The following CERS6 variants were observed in gnomAD, a reference collection of about 807,000 sequenced individuals.
CERS6 encodes ceramide synthase 6.
A neutral mutation model predicts 56.8 loss-of-function variants in CERS6; 26 were observed. That is an observed-to-expected ratio of 0.46 (90% CI 0.34 to 0.63). The LOEUF is 0.63. Among genes scored for constraint, CERS6 ranks in the 30% least tolerant of loss-of-function variants. The pLI is 0.01. For missense variants in CERS6, 415 were observed against 467.5 expected (o/e 0.89, Z 1.04); for synonymous variants, 164 against 173.3 (o/e 0.95, Z 0.42).
Position 168,463,640 on chromosome 2 carries a change from G to A in CERS6, c.170+7022G>A, listed in dbSNP as rs189771893. ...AAAAATCTGGAGGCTGAGCACAGTGGCTCATGCCTGTAATCCCAGCACTTT... is the reference window on the plus strand; with the variant it reads ...AAAAATCTGGAGGCTGAGCACAGTGACTCATGCCTGTAATCCCAGCACTTT... On this transcript the variant is annotated intron_variant, in intron 1 of 9. Transcript: ENST00000305747. Among the ~76,000 whole-genome samples, 11 of 152,266 alleles carry A rather than the reference G, an allele frequency of 7.2e-5. No homozygotes were observed. In the East Asian group the frequency reaches 1.9e-3, roughly 27 times the overall value.
intron 1 of CERS6, among the ~76,000 whole-genome samples, chr2:168,515,362 T>C (rs1054577727): frequency 6.6e-6 from 1 of 152,176 alleles, no homozygotes; most frequent in Non-Finnish European, 1.5e-5. Context: ...GACCTTTTCC[T>C]TAAGTGTAAT....
At chr2:168,634,031 A>C (rs143714013) in intron 4 of CERS6, among the ~76,000 whole-genome samples, 2 of 152,134 alleles carry the variant, frequency 1.3e-5, no homozygotes, top group East Asian at 3.8e-4. Flanking sequence ...CTTTAGGTCA[A>C]ATGAGCCTGT....
intron 8 of CERS6, among the ~76,000 whole-genome samples, chr2:168,743,214 A>G (rs534668901): frequency 2.0e-4 from 26 of 130,822 alleles, no homozygotes; most frequent in Middle Eastern, 3.6e-3. Flanking sequence ...GTGTGTGTGT[A>G]TGTGTGTGTG....
intron 4 of CERS6, among the ~76,000 whole-genome samples, chr2:168,664,428 A>G (rs1411205619): frequency 6.6e-6 from 1 of 152,204 alleles, no homozygotes; most frequent in African/African-American, 2.4e-5. Flanking sequence ...GTGTTCTTGG[A>G]TCTTGTGCAA....
intron 3 of CERS6, among the ~76,000 whole-genome samples, chr2:168,563,890 A>AT (rs1695837202): frequency 2.0e-5 from 3 of 151,898 alleles, no homozygotes; most frequent in African/African-American, 7.2e-5. Context: ...GTTGGGGTGC[A>AT]CGGGGGGTTT....
intron 1 of CERS6, among the ~76,000 whole-genome samples, chr2:168,519,608 G>C (rs1336340691): frequency 2.6e-5 from 4 of 152,102 alleles, no homozygotes; most frequent in Non-Finnish European, 2.9e-5. Flanking sequence ...CTCACTTGCA[G>C]TATTTGCTTT....
intron 8 of CERS6, among the ~76,000 whole-genome samples, chr2:168,762,911 G>A (rs1028990676): frequency 6.7e-6 from 1 of 149,726 alleles, no homozygotes; most frequent in Non-Finnish European, 1.5e-5. Flanking sequence ...TCTCACTCTT[G>A]TCGCCCAGGC....
At chr2:168,596,555 C>CTTTT (rs35269601) in intron 3 of CERS6, among the ~76,000 whole-genome samples, 9 of 114,838 alleles carry the variant, frequency 7.8e-5, no homozygotes, top group Non-Finnish European at 1.0e-4. Context: ...ATCCCCCCCC[C>CTTTT]TTTTTTTTTT....
intron 4 of CERS6, among the ~76,000 whole-genome samples, chr2:168,655,160 A>C (rs1340580505): frequency 6.6e-6 from 1 of 152,236 alleles, no homozygotes; most frequent in African/African-American, 2.4e-5. Flanking sequence ...AAGCAGGGAA[A>C]TATAGATTAA....
chr2:168,551,550 G>A (rs1695572051), intron 2 of CERS6, among the ~76,000 whole-genome samples: 1 of 152,068 alleles, frequency 6.6e-6, no homozygotes, highest in African/African-American at 2.4e-5. Flanking sequence ...TAATCATGAA[G>A]CTCATTTGTA....
At chr2:168,657,327 A>G (rs1685503959) in intron 4 of CERS6, among the ~76,000 whole-genome samples, 1 of 152,256 alleles carries the variant, frequency 6.6e-6, no homozygotes, top group Non-Finnish European at 1.5e-5. Flanking sequence ...TGAGCTAGAT[A>G]TAAAGACTCT....
Position 168,769,627 on chromosome 2 carries a change from T to C in CERS6, c.1120T>C (p.Tyr374His). ...CAATGGGACCAGTGGTACCAACGGG[T>C]ATCTCCTGACTGGCTCCTGCTCCAT... ...TTNGTSGTNGYLLTGSCSMDD is the reference protein window; with the variant it reads ...TTNGTSGTNGHLLTGSCSMDD Residue 374 changes from tyrosine to histidine, a missense_variant, in exon 10 of 10, where the codon TAT (tyrosine) becomes CAT (histidine). By Grantham distance (83) the Tyr-to-His change is moderately conservative. Coordinates refer to ENST00000305747, the MANE Select transcript of CERS6 (RefSeq NM_203463.3). 6.2e-7 allele frequency: 1 copy of C among 1,611,566 alleles called. No individual in the cohort carries two copies. The highest frequency in any genetic ancestry group is 1.3e-5 in the African/African-American group (1 of 74,910).
chr2:168,487,378 T>C (rs964111714), intron 1 of CERS6, among the ~76,000 whole-genome samples: 2 of 152,224 alleles, frequency 1.3e-5, no homozygotes, highest in Non-Finnish European at 2.9e-5. Flanking sequence ...TTTAAAGAAA[T>C]GACTGGCAGA....
intron 4 of CERS6, among the ~76,000 whole-genome samples, chr2:168,639,288 T>C (rs760767556): frequency 8.5e-5 from 13 of 152,162 alleles, no homozygotes; most frequent in Non-Finnish European, 1.8e-4. Flanking sequence ...CCATGGGAAA[T>C]AGAAAACTAG....
In CERS6 at chr2:168,456,744, T is replaced by G. The variant is rs1323980647; in HGVS notation, c.170+126T>G. 1.7e-5 allele frequency: 15 copies of G among 876,226 alleles called. No homozygotes were observed. Among genetic ancestry groups the G allele is most frequent in the Non-Finnish European group, 2.4e-5 (14 of 574,070 alleles). 54.3% of individuals were successfully genotyped at this position (876,226 alleles called of 1,614,324 possible). A position where few individuals can be genotyped will look rare whatever the true frequency, so the allele number is the denominator to read the frequency against. The stretch of plus-strand genomic sequence containing the variant: ...GCGTTCACGCCTCCCAACCTTTGTG[T>G]TCGGGGAGGGGTTGCTGACCCCCCT... On this transcript the variant is annotated intron_variant, in intron 1 of 9. Coordinates refer to ENST00000305747, the MANE Select transcript of CERS6 (RefSeq NM_203463.3). This position sits in a 1 kb window ranked among gnomAD's most constrained non-coding sequence, Gnocchi z 4.1.
intron 1 of CERS6, among the ~76,000 whole-genome samples, chr2:168,476,828 A>T (rs1159819063): frequency 1.3e-5 from 2 of 152,100 alleles, no homozygotes. Context: ...TATTGAGGGC[A>T]GATCTTCCCC....
chr2:168,688,368 G>T (rs1686409388), intron 4 of CERS6, among the ~76,000 whole-genome samples: 1 of 151,572 alleles, frequency 6.6e-6, no homozygotes, highest in African/African-American at 2.4e-5. Flanking sequence ...AGGAGGCAGA[G>T]GTCGCGCCAC....
At chr2:168,537,322 C>T (rs1360387726) in intron 1 of CERS6, among the ~76,000 whole-genome samples, 3 of 152,146 alleles carry the variant, frequency 2.0e-5, no homozygotes, top group Non-Finnish European at 4.4e-5. Context: ...CATCTGTGGC[C>T]TTTCTTCTTT....
At chr2:168,541,232 A>G (rs1010743591) in intron 1 of CERS6, among the ~76,000 whole-genome samples, 1 of 152,220 alleles carries the variant, frequency 6.6e-6, no homozygotes, top group Admixed American at 6.5e-5. Flanking sequence ...AACACCTTCC[A>G]GAAGGCCCCA....
Sources: allele counts gnomAD v4.1 joint callset (sites outside exome capture counted in the v4.1 genomes callset), GRCh38; gene constraint gnomAD v4.1.1; non-coding constraint Gnocchi (gnomAD v3.1); transcripts MANE v1.5; gene names NCBI Gene and HGNC (gene_info 2026-07-23, HGNC 2026-07-21).